Variants in INVS observed in about 807,000 individuals in gnomAD.
INVS encodes inversion of embryo turning homolog.
Under a neutral mutation model 108.8 loss-of-function variants are expected in INVS, and 86 were observed. That is an observed-to-expected ratio of 0.79 (90% confidence interval 0.66 to 0.95). INVS has a LOEUF of 0.95. INVS is among the 40% of genes least tolerant of loss of function. The pLI is 0.00. For missense variants in INVS, 1,169 were observed against 1,297.4 expected, an observed-to-expected ratio of 0.90 and a Z score of 1.52; for synonymous variants, 455 against 473.5, an observed-to-expected ratio of 0.96 and a Z score of 0.51.
At chr9:100,191,666 T>A (rs1204739377) in intron 3 of INVS, among the ~76,000 whole-genome samples, 1 of 152,156 alleles carries the variant, frequency 6.6e-6, no homozygotes, top group Non-Finnish European at 1.5e-5. Context: ...ACCTTTTGGG[T>A]TCTTTATCTG....
intron 3 of INVS, among the ~76,000 whole-genome samples, chr9:100,152,267 A>G (rs971107373): frequency 6.6e-6 from 1 of 152,182 alleles, no homozygotes; most frequent in Non-Finnish European, 1.5e-5. Flanking sequence ...CACTCAATCA[A>G]TGCTTGCTGA....
At chr9:100,117,408 T>G in intron 2 of INVS, 1 of 786,732 alleles carries the variant, frequency 1.3e-6, no homozygotes, top group East Asian at 2.4e-5. Context: ...TCCAGGGACT[T>G]GATCTTCATG....
chr9:100,139,003 G>C (rs762283280), intron 3 of INVS, among the ~76,000 whole-genome samples: 31 of 152,192 alleles, frequency 2.0e-4, no homozygotes, highest in Admixed American at 4.6e-4. Context: ...ACCGCGCCCG[G>C]CCTTATTGAT....
At chr9:100,146,452 C>G (rs1467638032) in intron 3 of INVS, among the ~76,000 whole-genome samples, 1 of 152,160 alleles carries the variant, frequency 6.6e-6, no homozygotes, top group African/African-American at 2.4e-5. Context: ...AAGGCAGGAA[C>G]CAGCCATCTG....
Position 100,302,011 on chromosome 9 carries a change from C to A in INVS, c.*1337C>A. 1 of 467,046 alleles carries A rather than the reference C, an allele frequency of 2.1e-6. No individual in the cohort carries two copies. The highest frequency in any genetic ancestry group is 3.8e-6 in the Non-Finnish European group (1 of 263,374). 28.9% of individuals were successfully genotyped at this position (467,046 alleles called of 1,614,324 possible). The stretch of plus-strand genomic sequence containing the variant: ...ATGTATCGTGTGCTAGTCCGGGAAG[C>A]CAGCCTACACATCAATAGGAACGCC... On this transcript the variant is annotated 3_prime_UTR_variant, in exon 17 of 17. Transcript: ENST00000262457.
At chr9:100,196,939 GACCAAATATAT>G (rs1830394362) in intron 3 of INVS, among the ~76,000 whole-genome samples, 1 of 152,026 alleles carries the variant, frequency 6.6e-6, no homozygotes, top group Non-Finnish European at 1.5e-5. Flanking sequence ...AGACTTCAGT[GACCAAATATAT>G]GGAGACCTCT....
chr9:100,277,131 T>C (rs1374899693), intron 12 of INVS, among the ~76,000 whole-genome samples: 6 of 152,242 alleles, frequency 3.9e-5, no homozygotes, highest in Admixed American at 3.9e-4. Context: ...CCTCTCAAGA[T>C]AGCATATTCC....
chr9:100,190,186 C>T (rs1351928159), intron 3 of INVS, among the ~76,000 whole-genome samples: 1 of 152,028 alleles, frequency 6.6e-6, no homozygotes, highest in African/African-American at 2.4e-5. Flanking sequence ...GTTTTGTTAA[C>T]ATCAGAATAG....
chr9:100,125,885 C>T (rs1321523566), intron 2 of INVS, among the ~76,000 whole-genome samples: 2 of 152,034 alleles, frequency 1.3e-5, no homozygotes, highest in Non-Finnish European at 2.9e-5. Flanking sequence ...TGGGTTTCAC[C>T]ATGTTGGTCA....
At chr9:100,153,944 A>C (rs1828885704) in intron 3 of INVS, among the ~76,000 whole-genome samples, 1 of 152,226 alleles carries the variant, frequency 6.6e-6, no homozygotes, top group Admixed American at 6.5e-5. Context: ...TTTCAACATG[A>C]ATTTTGGAGG....
rs553919573 is a variant in INVS, at chr9:100,241,610, T to G, written c.797-960T>G. ...TCTTTTTCACTTTCCTATAGTATGTTTTTTTGTAGTCCTTACTGAATTTTT... is the reference window on the plus strand; with the variant it reads ...TCTTTTTCACTTTCCTATAGTATGTGTTTTTGTAGTCCTTACTGAATTTTT... On this transcript the variant is annotated intron_variant, in intron 6 of 16. Coordinates refer to ENST00000262457, the MANE Select transcript of INVS (RefSeq NM_014425.5). Among the ~76,000 whole-genome samples, 4 of 152,326 alleles carry G rather than the reference T, an allele frequency of 2.6e-5. No individual in the cohort carries two copies. In the East Asian group the frequency reaches 5.8e-4, roughly 22 times the overall value.
At chr9:100,189,630 G>T (rs1452003591) in intron 3 of INVS, among the ~76,000 whole-genome samples, 1 of 151,744 alleles carries the variant, frequency 6.6e-6, no homozygotes, top group African/African-American at 2.4e-5. Flanking sequence ...GATTATCTTT[G>T]ATATGATTTT....
intron 8 of INVS, among the ~76,000 whole-genome samples, chr9:100,250,453 C>CA (rs1188727904): frequency 6.6e-6 from 1 of 152,156 alleles, no homozygotes; most frequent in Admixed American, 6.5e-5. Flanking sequence ...TGAAGTTACT[C>CA]ACGCCTGTCT....
At chr9:100,216,367 G>T (rs1266104303) in intron 3 of INVS, among the ~76,000 whole-genome samples, 2 of 152,166 alleles carry the variant, frequency 1.3e-5, no homozygotes, top group Non-Finnish European at 2.9e-5. Flanking sequence ...AGGTTGGACA[G>T]CTACTGCCCC....
At chr9:100,246,421 T>A (rs1588118542) in intron 7 of INVS, among the ~76,000 whole-genome samples, 195 bp from the exon 8 acceptor site, 1 of 152,222 alleles carries the variant, frequency 6.6e-6, no homozygotes, top group African/African-American at 2.4e-5. Flanking sequence ...CTACAACTAA[T>A]TTGTAAGGAC....
rs569679292 is a variant in INVS, at chr9:100,134,887, A to G, written c.273+8338A>G. Among the ~76,000 whole-genome samples the G allele has an allele frequency of 2.0e-5, 3 of 152,344 alleles. No homozygotes were observed. The South Asian group carries it at 6.2e-4, about 32-fold the overall frequency. ...GTTCAACCACATAAGTTAATTTCAT[A>G]GACATTATGTTGAGTGGAACAAGTC... On this transcript the variant is annotated intron_variant, in intron 3 of 16. Transcript: ENST00000262457.
At chr9:100,173,960 G>T (rs1185082742) in intron 3 of INVS, among the ~76,000 whole-genome samples, 1 of 152,158 alleles carries the variant, frequency 6.6e-6, no homozygotes, top group African/African-American at 2.4e-5. Context: ...TTCAGCCAAG[G>T]TATCTGCCTG....
rs536178280 is a variant in INVS, at chr9:100,248,829, G to A, written c.1078+2042G>A. Among the ~76,000 whole-genome samples, 12 of 151,904 alleles carry A rather than the reference G, an allele frequency of 7.9e-5. No individual in the cohort carries two copies. The East Asian group carries it at 1.5e-3, about 20-fold the overall frequency. On this transcript the variant is annotated intron_variant, in intron 8 of 16. Coordinates refer to ENST00000262457, the MANE Select transcript of INVS (RefSeq NM_014425.5). ...ACTGGAAGGCTGGAAGATGGACAAG[G>A]GATTACATCTTTCTGTTTGTGTCCT...
intron 3 of INVS, among the ~76,000 whole-genome samples, chr9:100,193,761 A>G (rs1830292336): frequency 6.6e-6 from 1 of 152,206 alleles, no homozygotes; most frequent in South Asian, 2.1e-4. Context: ...TTATTATTGC[A>G]TATACCAATG....
Sources: allele counts gnomAD v4.1 joint callset (sites outside exome capture counted in the v4.1 genomes callset), GRCh38; gene constraint gnomAD v4.1.1; transcripts MANE v1.5; gene names NCBI Gene and HGNC (gene_info 2026-07-23, HGNC 2026-07-21).